NOX4: variants seen among roughly 807,000 people sequenced by gnomAD.
NOX4 encodes NADPH oxidase 4.
Under a neutral mutation model 87.6 loss-of-function variants are expected in NOX4, and 69 were observed. The ratio of observed to expected loss-of-function variants is 0.79; its 90% CI spans 0.65 to 0.96. The LOEUF (loss-of-function observed/expected upper bound fraction) is 0.96, where lower values mean the gene tolerates loss of function less well. Among genes scored for constraint, NOX4 ranks in the 40% least tolerant of loss-of-function variants. NOX4 has a pLI of 0.00. For synonymous variants in NOX4, 275 were observed against 238.2 expected, an observed-to-expected ratio of 1.15 and a Z score of -1.42; for missense variants, 680 against 681.5, an observed-to-expected ratio of 1.00 and a Z score of 0.02.
At chr11:89,533,478 T>A in the NOX4 span, among the ~76,000 whole-genome samples, 1 of 152,110 alleles carries the variant, frequency 6.6e-6, no homozygotes, top group African/African-American at 2.4e-5. Context: ...CATAAGGTCA[T>A]CTAACTTGGA....
the NOX4 span, among the ~76,000 whole-genome samples, chr11:89,518,009 G>A: frequency 6.6e-6 from 1 of 151,974 alleles, no homozygotes; most frequent in Admixed American, 6.6e-5. Flanking sequence ...AGCATTGTTA[G>A]TATAGACACT....
At chr11:89,573,583 C>T in the NOX4 span, among the ~76,000 whole-genome samples, 1 of 152,072 alleles carries the variant, frequency 6.6e-6, no homozygotes, top group African/African-American at 2.4e-5. Context: ...TTACCAGCTG[C>T]GAATCTGTAC....
the NOX4 span, among the ~76,000 whole-genome samples, chr11:89,514,788 C>A: frequency 6.6e-6 from 1 of 151,878 alleles, no homozygotes; most frequent in Non-Finnish European, 1.5e-5. Context: ...GTTAAACTAA[C>A]CTTGCATTCC....
intron 2 of NOX4, among the ~76,000 whole-genome samples, chr11:89,477,005 C>T (rs1213987910): frequency 1.3e-5 from 2 of 152,126 alleles, no homozygotes; most frequent in Non-Finnish European, 2.9e-5. Flanking sequence ...GGTCCTCAAC[C>T]TTTTTGGCAC....
the NOX4 span, among the ~76,000 whole-genome samples, chr11:89,581,322 A>G: frequency 6.6e-6 from 1 of 152,208 alleles, no homozygotes; most frequent in African/African-American, 2.4e-5. Context: ...ACCTTACTGC[A>G]TTACACTTTA....
upstream of NOX4, among the ~76,000 whole-genome samples, chr11:89,501,078 A>C (rs1448609290): frequency 6.6e-6 from 1 of 152,064 alleles, no homozygotes; most frequent in Non-Finnish European, 1.5e-5. Flanking sequence ...CCCTAGGAGA[A>C]CAGGATTTTT....
At chr11:89,422,795 A>ATTTTTTT (rs147956211) in intron 7 of NOX4, among the ~76,000 whole-genome samples, 4 of 110,992 alleles carry the variant, frequency 3.6e-5, no homozygotes, top group Admixed American at 2.0e-4. Flanking sequence ...CAAAGTTCTG[A>ATTTTTTT]TTTTTTTTTT....
chr11:89,553,377 G>T, the NOX4 span, among the ~76,000 whole-genome samples: 2 of 152,080 alleles, frequency 1.3e-5, no homozygotes, highest in African/African-American at 4.8e-5. Flanking sequence ...CTCTCCTGCT[G>T]TCTTGCTTCC....
At chr11:89,358,099 C>G (rs1256546467) in intron 12 of NOX4, among the ~76,000 whole-genome samples, 1 of 151,900 alleles carries the variant, frequency 6.6e-6, no homozygotes, top group Non-Finnish European at 1.5e-5. Flanking sequence ...CAAAAAGGTT[C>G]ATAGGCAGGG....
At chr11:89,427,032 G>T (rs564795861) in intron 7 of NOX4, among the ~76,000 whole-genome samples, 1 of 152,258 alleles carries the variant, frequency 6.6e-6, no homozygotes, top group African/African-American at 2.4e-5. Context: ...AGCTTCCAGA[G>T]GAATGATCAG....
At chr11:89,485,965 T>A (rs1946572913) in intron 2 of NOX4, among the ~76,000 whole-genome samples, 1 of 152,122 alleles carries the variant, frequency 6.6e-6, no homozygotes, top group Non-Finnish European at 1.5e-5. Context: ...TTGCCTCCAC[T>A]CTGGATCAGA....
chr11:89,578,585 G>C, the NOX4 span, among the ~76,000 whole-genome samples: 4 of 152,226 alleles, frequency 2.6e-5, no homozygotes, highest in South Asian at 6.2e-4. Flanking sequence ...TTCTACATGA[G>C]ATAATATAGC....
At chr11:89,560,212 G>A in the NOX4 span, among the ~76,000 whole-genome samples, 4 of 152,056 alleles carry the variant, frequency 2.6e-5, no homozygotes, top group Admixed American at 6.6e-5. Context: ...AGATTGGAGC[G>A]ATGCATTTGT....
At chr11:89,580,509 G>T in the NOX4 span, among the ~76,000 whole-genome samples, 1 of 152,134 alleles carries the variant, frequency 6.6e-6, no homozygotes, top group African/African-American at 2.4e-5. Flanking sequence ...ATATGTAAAT[G>T]TAACTAATTT....
At chr11:89,494,278 A>G (rs1946923454), upstream of NOX4, among the ~76,000 whole-genome samples, 2 of 152,236 alleles carry the variant, frequency 1.3e-5, no homozygotes, top group African/African-American at 4.8e-5. Context: ...TGATCTTCCT[A>G]TGTTAATTAT....
chr11:89,382,496 C>T (rs10830267), intron 11 of NOX4, among the ~76,000 whole-genome samples: 14,159 of 152,046 alleles, frequency 0.093, 810 homozygotes, highest in South Asian at 0.19. Context: ...TGGTCCCTCC[C>T]TAGTCTCTGT....
chr11:89,438,816 TATTATATAATA>T, intron 6 of NOX4, among the ~76,000 whole-genome samples: 1 of 22,952 alleles, frequency 4.4e-5, no homozygotes, highest in Non-Finnish European at 5.7e-5. Context: ...ATATTATATA[TATTATATAATA>T]TCTTATATAT....
intron 7 of NOX4, among the ~76,000 whole-genome samples, chr11:89,425,616 G>C (rs1943350427): frequency 6.6e-6 from 1 of 151,866 alleles, no homozygotes; most frequent in Non-Finnish European, 1.5e-5. Context: ...TCCTATTTTG[G>C]TAAAATACAT....
upstream of NOX4, among the ~76,000 whole-genome samples, chr11:89,491,727 T>TAC (rs66820323): frequency 0.015 from 2,062 of 140,724 alleles, 32 homozygotes; most frequent in African/African-American, 0.038. Flanking sequence ...CGCCCCCTTG[T>TAC]ACACACACAC....
Sources: gnomAD v4.1 joint callset for allele counts (sites outside exome capture counted in the v4.1 genomes callset) on GRCh38, gnomAD v4.1.1 for gene constraint, MANE v1.5 for transcripts, NCBI Gene and HGNC (gene_info 2026-07-23, HGNC 2026-07-21) for gene names.